Variants in EPB41L4A observed in about 807,000 individuals in gnomAD.
The protein encoded by EPB41L4A is band 4.1-like protein 4A.
In EPB41L4A, 100 loss-of-function variants were observed where a neutral mutation model predicts 108.6. That is an observed-to-expected ratio of 0.92 (90% CI 0.78 to 1.09). The LOEUF (loss-of-function observed/expected upper bound fraction) is 1.09, where lower values mean the gene tolerates loss of function less well. EPB41L4A is among the 50% of genes least tolerant of loss of function. EPB41L4A has a pLI of 0.00. For missense variants in EPB41L4A, 1,030 were observed against 842.7 expected (o/e 1.22, Z -2.75); for synonymous variants, 319 against 289.0 (o/e 1.10, Z -1.05).
chr5:112,293,640 A>C (rs1753802293), intron 2 of EPB41L4A, among the ~76,000 whole-genome samples: 1 of 152,232 alleles, frequency 6.6e-6, no homozygotes, highest in Non-Finnish European at 1.5e-5. Context: ...AGTCCGTGTC[A>C]AAATCAACAA....
rs144209361 is a variant in EPB41L4A at position 112,300,974 on chromosome 5, G to A, written c.204+6412C>T. ...AAGAACATTTTGCATTTCTCTAAGTGTGTCCTTTATTTTCTGAAGTTGTGA... is the reference window on the plus strand; with the variant it reads ...AAGAACATTTTGCATTTCTCTAAGTATGTCCTTTATTTTCTGAAGTTGTGA... On this transcript the variant is annotated intron_variant, in intron 2 of 22. Transcript: ENST00000261486. Among the ~76,000 whole-genome samples the A allele has an allele frequency of 7.1e-3, 1,087 of 152,124 alleles. 8 individuals are homozygous for A. The highest frequency in any genetic ancestry group is 0.025 in the African/African-American group (1,044 of 41,502).
chr5:112,299,511 T>C (rs947568266), intron 2 of EPB41L4A, among the ~76,000 whole-genome samples: 4 of 152,170 alleles, frequency 2.6e-5, no homozygotes, highest in South Asian at 4.1e-4. Context: ...TCTGAAGTTG[T>C]TGGGTAGAAT....
chr5:112,294,370 C>A (rs1753858138), intron 2 of EPB41L4A, among the ~76,000 whole-genome samples: 2 of 152,232 alleles, frequency 1.3e-5, no homozygotes, highest in Admixed American at 1.3e-4. Flanking sequence ...AGTTCTTTCA[C>A]TCAGTAACAT....
intron 1 of EPB41L4A, among the ~76,000 whole-genome samples, chr5:112,345,241 A>C (rs1278597124): frequency 6.6e-6 from 1 of 152,232 alleles, no homozygotes; most frequent in African/African-American, 2.4e-5. Flanking sequence ...TGACACATAC[A>C]CAAAAAATCC....
rs115388365 is a variant in EPB41L4A at position 112,287,024 on chromosome 5, T to C, written c.205-6701A>G. Among the ~76,000 whole-genome samples the C allele has an allele frequency of 9.1e-3, 1,382 of 152,316 alleles. 25 individuals carry two copies. The highest frequency in any genetic ancestry group is 0.032 in the African/African-American group (1,315 of 41,560). On this transcript the variant is annotated intron_variant, in intron 2 of 22. Transcript: ENST00000261486. ...AATCTTGCTTCTCCTCCCGTCTCAC[T>C]GGCCACGTCTTCAAAATCTGTTGCT... is the stretch of plus-strand genomic sequence containing the variant.
chr5:112,254,037 T>C (rs575909330), intron 9 of EPB41L4A, among the ~76,000 whole-genome samples: 1 of 152,204 alleles, frequency 6.6e-6, no homozygotes, highest in South Asian at 2.1e-4. Context: ...ACAGCCAGAG[T>C]TGCCAGGAAC....
At chr5:112,212,965 CAGAGAA>C (rs1747319115) in intron 12 of EPB41L4A, among the ~76,000 whole-genome samples, 1 of 152,062 alleles carries the variant, frequency 6.6e-6, no homozygotes, top group African/African-American at 2.4e-5. Flanking sequence ...CAAAAATTAA[CAGAGAA>C]AAACAGAATA....
Position 112,269,265 on chromosome 5 carries a change from TA to T in EPB41L4A, c.336-2936del, listed in dbSNP as rs917433878. Reference sequence around the variant, plus strand: ...ATCACAGATCTTTAACTCACTGCATTAAAAAAAAAATCAAAAACTGAAGGCA... The same window carrying T: ...ATCACAGATCTTTAACTCACTGCATTAAAAAAAAATCAAAAACTGAAGGCA... On this transcript the variant is annotated intron_variant, in intron 4 of 22. Coordinates refer to ENST00000261486, the MANE Select transcript of EPB41L4A (RefSeq NM_022140.5). 7.5e-3 allele frequency among the ~76,000 whole-genome samples: 1,125 copies of T among 149,178 alleles called. 9 individuals are homozygous for T. Among genetic ancestry groups the T allele is most frequent in the African/African-American group, 0.026 (1,066 of 40,898 alleles).
chr5:112,217,917 G>A (rs1356470100), intron 12 of EPB41L4A, among the ~76,000 whole-genome samples: 2 of 152,126 alleles, frequency 1.3e-5, no homozygotes, highest in African/African-American at 4.8e-5. Context: ...CCCCTCCTGA[G>A]TTGTTCTGCT....
intron 18 of EPB41L4A, among the ~76,000 whole-genome samples, chr5:112,181,395 T>C (rs1761145320): frequency 6.6e-6 from 1 of 151,646 alleles, no homozygotes; most frequent in South Asian, 2.1e-4. Context: ...GAGCTTGCAG[T>C]GAGCCGAGAC....
chr5:112,409,331 G>T (rs377442662), intron 1 of EPB41L4A, among the ~76,000 whole-genome samples: 34 of 152,286 alleles, frequency 2.2e-4, no homozygotes, highest in African/African-American at 7.0e-4. Context: ...GGGGGCAGGG[G>T]ATGGAAGGCT....
At chr5:112,264,230 A>G (rs1751689585) in intron 6 of EPB41L4A, 1 of 152,216 alleles carries the variant, frequency 6.6e-6, no homozygotes, top group Admixed American at 6.5e-5. Context: ...AAATAACTAT[A>G]ATGAAATTAA....
At chr5:112,289,347 GGTTAAA>G (rs1385866599) in intron 2 of EPB41L4A, among the ~76,000 whole-genome samples, 2 of 152,088 alleles carry the variant, frequency 1.3e-5, no homozygotes, top group Non-Finnish European at 2.9e-5. Context: ...AAGGAGAGTG[GGTTAAA>G]GTAAAGCAAA....
chr5:112,299,291 A>C (rs1234675464), intron 2 of EPB41L4A, among the ~76,000 whole-genome samples: 2 of 152,136 alleles, frequency 1.3e-5, no homozygotes, highest in East Asian at 3.8e-4. Context: ...AAGGCTATGA[A>C]CTTTCCTCTT....
At chr5:112,399,504 T>A (rs1761598806) in intron 1 of EPB41L4A, among the ~76,000 whole-genome samples, 3 of 152,150 alleles carry the variant, frequency 2.0e-5, no homozygotes. Flanking sequence ...TCGAAATATA[T>A]CTGTTTAAAG....
intron 7 of EPB41L4A, 71 bp from the exon 8 acceptor site, chr5:112,260,050 T>C: frequency 9.2e-7 from 1 of 1,086,636 alleles, no homozygotes; most frequent in South Asian, 1.3e-5. Context: ...TAATTGACCA[T>C]ACAAATATAA....
At chr5:112,209,393 C>T (rs1285131849) in intron 13 of EPB41L4A, among the ~76,000 whole-genome samples, 1 of 152,232 alleles carries the variant, frequency 6.6e-6, no homozygotes, top group African/African-American at 2.4e-5. Context: ...GGAATGCCCC[C>T]TGGGAAAGCA....
chr5:112,342,649 A>T (rs1757389032), intron 1 of EPB41L4A, among the ~76,000 whole-genome samples: 1 of 152,186 alleles, frequency 6.6e-6, no homozygotes, highest in Admixed American at 6.5e-5. Flanking sequence ...CAGCAGCAGG[A>T]GCAACTGCCT....
chr5:112,361,439 C>G, intron 1 of EPB41L4A, among the ~76,000 whole-genome samples: 2 of 151,820 alleles, frequency 1.3e-5, no homozygotes, highest in African/African-American at 4.8e-5. Context: ...ACATGTTTAT[C>G]TGCTGACCTT....
Sources: allele counts gnomAD v4.1 joint callset (sites outside exome capture counted in the v4.1 genomes callset), GRCh38; gene constraint gnomAD v4.1.1; transcripts MANE v1.5; gene names NCBI Gene and HGNC (gene_info 2026-07-23, HGNC 2026-07-21).